The following SGCG variants were observed in gnomAD, a reference collection of about 807,000 sequenced individuals.
The protein encoded by SGCG is sarcoglycan gamma, also known as gamma-sarcoglycan.
Under a neutral mutation model 29.3 loss-of-function variants are expected in SGCG, and 26 were observed. The ratio of observed to expected loss-of-function variants is 0.89; its 90% CI spans 0.65 to 1.23. The LOEUF is 1.23. SGCG is among the 50% of genes most tolerant of loss of function. SGCG has a pLI of 0.00. For synonymous variants in SGCG, 145 were observed against 129.7 expected (o/e 1.12, Z -0.80); for missense variants, 353 against 356.0 (o/e 0.99, Z 0.07).
At chr13:23,172,979 T>C in the SGCG span, among the ~76,000 whole-genome samples, 1 of 152,202 alleles carries the variant, frequency 6.6e-6, no homozygotes, top group Non-Finnish European at 1.5e-5. Context: ...TTAATATTTT[T>C]TGTGTTTGAG....
chr13:23,228,220 T>C (rs1878975193), intron 2 of SGCG, among the ~76,000 whole-genome samples: 1 of 152,234 alleles, frequency 6.6e-6, no homozygotes, highest in Non-Finnish European at 1.5e-5. Context: ...CTTTATTTCA[T>C]GAAATTGTAT....
In SGCG at chr13:23,266,296, C is replaced by CATAT. The variant is rs71185063; in HGVS notation, c.386-13054_386-13051dup. On this transcript the variant is annotated intron_variant, in intron 4 of 7. Transcript: ENST00000218867. ...CAAAAAAAAAAAAAGTGCTATATCA[C>CATAT]ATATATATATATGATATATGTAATT... Among the ~76,000 whole-genome samples, 36 of 150,542 alleles carry CATAT rather than the reference C, an allele frequency of 2.4e-4. 1 individual carries two copies. The highest frequency in any genetic ancestry group is 4.1e-4 in the Non-Finnish European group (28 of 67,740).
chr13:23,247,136 C>T (rs17051428), intron 3 of SGCG: 5,318 of 158,018 alleles, frequency 0.034, 183 homozygotes, highest in East Asian at 0.17. Flanking sequence ...TGCTTTCCCA[C>T]ACCTTGGCCA....
At chr13:23,187,443 A>G (rs1165550903) in intron 1 of SGCG, among the ~76,000 whole-genome samples, 1 of 152,154 alleles carries the variant, frequency 6.6e-6, no homozygotes, top group East Asian at 1.9e-4. Context: ...CAGGAAGTGG[A>G]TACACAGGTG....
intron 6 of SGCG, 23 bp from the exon 7 acceptor site, chr13:23,320,614 T>TTTTTG: frequency 2.9e-6 from 4 of 1,363,022 alleles, no homozygotes; most frequent in Non-Finnish European, 3.9e-6. Flanking sequence ...TTTTTTTTTT[T>TTTTTG]GTGCTTCTTT....
chr13:23,224,459 C>T (rs1052992922), intron 2 of SGCG, among the ~76,000 whole-genome samples: 1 of 152,188 alleles, frequency 6.6e-6, no homozygotes, highest in African/African-American at 2.4e-5. Flanking sequence ...CCAGGCACAG[C>T]GCTAGACACG....
intron 6 of SGCG, among the ~76,000 whole-genome samples, chr13:23,300,248 G>T (rs965422999): frequency 2.0e-5 from 3 of 152,326 alleles, no homozygotes; most frequent in Non-Finnish European, 4.4e-5. Flanking sequence ...TACCTAGTAA[G>T]TGTTTATAAA....
chr13:23,227,205 C>A (rs1455545864), intron 2 of SGCG, among the ~76,000 whole-genome samples: 2 of 151,012 alleles, frequency 1.3e-5, no homozygotes, highest in Non-Finnish European at 2.9e-5. Flanking sequence ...GGTAGGTGAG[C>A]AATCTTTTTG....
chr13:23,304,585 T>C (rs1882293057), intron 6 of SGCG, among the ~76,000 whole-genome samples: 1 of 151,932 alleles, frequency 6.6e-6, no homozygotes, highest in Admixed American at 6.6e-5. Flanking sequence ...GTCTGTTAAC[T>C]AAATAGGCTT....
chr13:23,163,574 C>T, the SGCG span, among the ~76,000 whole-genome samples: 1 of 152,252 alleles, frequency 6.6e-6, no homozygotes, highest in South Asian at 2.1e-4. Context: ...GGTACAAAAC[C>T]TTGAGTCATT....
chr13:23,237,672 T>C (rs1879361314), intron 3 of SGCG, among the ~76,000 whole-genome samples: 1 of 152,084 alleles, frequency 6.6e-6, no homozygotes, highest in Non-Finnish European at 1.5e-5. Context: ...ACTGAAAGAC[T>C]GGGAGGCCCT....
intron 1 of SGCG, among the ~76,000 whole-genome samples, chr13:23,198,213 G>A (rs1157113638): frequency 6.8e-6 from 1 of 146,048 alleles, no homozygotes; most frequent in African/African-American, 2.6e-5. Flanking sequence ...CTCATTTTGG[G>A]CATTATCCTT....
intron 6 of SGCG, among the ~76,000 whole-genome samples, chr13:23,318,340 G>A (rs1229888772): frequency 6.6e-6 from 1 of 151,066 alleles, no homozygotes; most frequent in Non-Finnish European, 1.5e-5. Flanking sequence ...TTGAACTAAT[G>A]AGAAGAGAGT....
chr13:23,295,628 A>G (rs1264043592), intron 6 of SGCG, 141 bp downstream of exon 6: 4 of 716,808 alleles, frequency 5.6e-6, no homozygotes, highest in Non-Finnish European at 1.0e-5. Context: ...TCCGCTTATA[A>G]CTAGATAGTA....
intron 2 of SGCG, among the ~76,000 whole-genome samples, chr13:23,214,238 C>A (rs1878341678): frequency 6.6e-6 from 1 of 152,138 alleles, no homozygotes; most frequent in African/African-American, 2.4e-5. Flanking sequence ...TGTTAAATTT[C>A]TTCCCTGCTA....
intron 5 of SGCG, among the ~76,000 whole-genome samples, chr13:23,294,895 G>C (rs1881844913): frequency 6.6e-6 from 1 of 152,074 alleles, no homozygotes; most frequent in African/African-American, 2.4e-5. Flanking sequence ...ACAGGGCCTT[G>C]CATATAATTA....
At chr13:23,206,376 G>A (rs544079880) in intron 2 of SGCG, among the ~76,000 whole-genome samples, 1 of 152,230 alleles carries the variant, frequency 6.6e-6, no homozygotes, top group African/African-American at 2.4e-5. Context: ...CAATGAGTTT[G>A]CCTACTGTAG....
chr13:23,293,117 C>T (rs1431694757), intron 5 of SGCG, among the ~76,000 whole-genome samples: 6 of 152,146 alleles, frequency 3.9e-5, no homozygotes, highest in Non-Finnish European at 5.9e-5. Context: ...GTTGGTATAG[C>T]CTAACTTTAC....
chr13:23,322,782 C>CAT (rs1883098388), intron 7 of SGCG, among the ~76,000 whole-genome samples: 1 of 102,526 alleles, frequency 9.8e-6, no homozygotes, highest in African/African-American at 3.6e-5. Flanking sequence ...CCCCCCCCCC[C>CAT]CCCCCCCGCC....
Sources: gnomAD v4.1 joint callset for allele counts (sites outside exome capture counted in the v4.1 genomes callset) on GRCh38, gnomAD v4.1.1 for gene constraint, MANE v1.5 for transcripts, NCBI Gene and HGNC (gene_info 2026-07-23, HGNC 2026-07-21) for gene names.